RFX8: variants seen among roughly 807,000 people sequenced by gnomAD.
RFX8 encodes DNA-binding protein RFX8.
In RFX8, 46 loss-of-function variants were observed where a neutral mutation model predicts 54.6. That is an observed-to-expected ratio of 0.84 (90% CI 0.67 to 1.08). RFX8 has a LOEUF of 1.08. Among genes scored for constraint, RFX8 ranks in the 50% least tolerant of loss-of-function variants. The pLI is 0.00. For synonymous variants in RFX8, 192 were observed against 209.5 expected (o/e 0.92, Z 0.72); for missense variants, 536 against 562.3 (o/e 0.95, Z 0.47).
chr2:101,409,702 G>T lies in RFX8; in HGVS notation c.813+917C>A, dbSNP rs1011834590. On this transcript the variant is annotated intron_variant, in intron 9 of 11. Coordinates refer to ENST00000428343, the MANE Select transcript of RFX8 (RefSeq NM_001145664.2). The stretch of plus-strand genomic sequence containing the variant: ...TTTAGGAGAGACAGGGTTTCACTAT[G>T]TTGGACAGGCTGGTCTTGAACTCCT... Among the ~76,000 whole-genome samples the T allele has an allele frequency of 1.2e-4, 18 of 152,266 alleles. 1 individual carries two copies. Among genetic ancestry groups the T allele is most frequent in the African/African-American group, 4.3e-4 (18 of 41,540 alleles).
At chr2:101,466,968 A>C (rs559409820) in intron 1 of RFX8, 68 bp from the exon 2 acceptor site, 1 of 719,236 alleles carries the variant, frequency 1.4e-6, no homozygotes, top group East Asian at 2.7e-5. Context: ...ATTTTGACAA[A>C]ATCAATGGTC....
Position 101,418,913 on chromosome 2 carries a change from T to G in RFX8, c.289A>C (p.Met97Leu). 1 of 1,551,506 alleles carries G rather than the reference T, an allele frequency of 6.4e-7. No homozygotes were observed. Among genetic ancestry groups the G allele is most frequent in the Non-Finnish European group, 8.7e-7 (1 of 1,146,812 alleles). ...FWKSLQQDTV[M>L]LMSLPDVCQL... ...CACACGTCAGGCAATGACATCAGCA[T>G]GACTGTGTCTTGCTGCAGAGACTTC... The change falls in exon 5 of 12, where the codon ATG becomes CTG. Residue 97 changes from methionine (M) to leucine (L), a missense_variant. Physicochemically the swap from Met to Leu is conservative, Grantham distance 15 (BLOSUM62 2). Coordinates refer to ENST00000428343, the MANE Select transcript of RFX8 (RefSeq NM_001145664.2).
At chr2:101,409,210 G>A (rs958676900) in intron 9 of RFX8, among the ~76,000 whole-genome samples, 2 of 151,970 alleles carry the variant, frequency 1.3e-5, no homozygotes, top group African/African-American at 2.4e-5. Flanking sequence ...TTCCCTCTAG[G>A]TGTTTTTGTT....
intron 2 of RFX8, chr2:101,450,692 A>C: frequency 2.2e-6 from 3 of 1,383,616 alleles, no homozygotes; most frequent in Non-Finnish European, 3.0e-6. Context: ...TGGAAAAATA[A>C]AGGTTGTCTT....
At chr2:101,404,946 T>A (rs1247735886) in intron 10 of RFX8, among the ~76,000 whole-genome samples, 1 of 152,182 alleles carries the variant, frequency 6.6e-6, no homozygotes, top group Non-Finnish European at 1.5e-5. Context: ...TCCTTCTTGC[T>A]GTGAGAGTAT....
At chr2:101,412,188 T>C (rs780832518) in intron 8 of RFX8, among the ~76,000 whole-genome samples, 2 of 152,108 alleles carry the variant, frequency 1.3e-5, no homozygotes, top group African/African-American at 4.8e-5. Context: ...GTAGCCATCA[T>C]AGGAGGGCCT....
chr2:101,451,803 C>T (rs991909259), intron 2 of RFX8, among the ~76,000 whole-genome samples: 1 of 151,766 alleles, frequency 6.6e-6, no homozygotes, highest in Non-Finnish European at 1.5e-5. Flanking sequence ...GTAATTAAAA[C>T]AGCTCCAAGG....
At chr2:101,434,646 C>T (rs191512804) in intron 2 of RFX8, among the ~76,000 whole-genome samples, 166 of 152,316 alleles carry the variant, frequency 1.1e-3, no homozygotes, top group African/African-American at 3.9e-3. Flanking sequence ...TGAGCGGTAC[C>T]TCCTTTTAAA....
At chr2:101,454,808 G>T (rs1451349243) in intron 2 of RFX8, among the ~76,000 whole-genome samples, 2 of 152,160 alleles carry the variant, frequency 1.3e-5, no homozygotes, top group Admixed American at 6.5e-5. Context: ...CCCTTTGTCA[G>T]ATGGGTAGAT....
At chr2:101,448,504 G>A (rs1013919597) in intron 2 of RFX8, among the ~76,000 whole-genome samples, 3 of 152,156 alleles carry the variant, frequency 2.0e-5, no homozygotes, top group Non-Finnish European at 4.4e-5. Flanking sequence ...AAAGCCCAAC[G>A]CCCTTGTAGG....
At chr2:101,455,646 G>A (rs974854001) in intron 2 of RFX8, among the ~76,000 whole-genome samples, 6 of 152,190 alleles carry the variant, frequency 3.9e-5, no homozygotes, top group Non-Finnish European at 8.8e-5. Context: ...AAGTCAGGTA[G>A]TGTGATGCCT....
rs566788299 is a variant in RFX8, at chr2:101,445,485, C to T, written c.72+21292G>A. On this transcript the variant is annotated intron_variant, in intron 2 of 11. Transcript: ENST00000428343. Reference sequence around the variant, plus strand: ...ATAGCTCACTGCAGCCTTGACCTCCCGGGCTCAGGTTACTCTCCCACCTCA... The same window carrying T: ...ATAGCTCACTGCAGCCTTGACCTCCTGGGCTCAGGTTACTCTCCCACCTCA... Among the ~76,000 whole-genome samples the T allele has an allele frequency of 7.6e-4, 116 of 152,074 alleles. 1 individual carries two copies. Among genetic ancestry groups the T allele is most frequent in the East Asian group, 2.9e-3 (15 of 5,180 alleles).
At chr2:101,419,172 G>A (rs1211784877) in intron 4 of RFX8, among the ~76,000 whole-genome samples, 3 of 152,168 alleles carry the variant, frequency 2.0e-5, no homozygotes, top group African/African-American at 4.8e-5. Flanking sequence ...AGTTGGATGG[G>A]ATAATGTAGA....
chr2:101,398,978 A>T (rs1454113211), intron 11 of RFX8, among the ~76,000 whole-genome samples: 1 of 152,224 alleles, frequency 6.6e-6, no homozygotes, highest in Non-Finnish European at 1.5e-5. Context: ...AGAGACACTT[A>T]AAAAAATTTG....
rs934029588 is a variant in RFX8 at position 101,422,372 on chromosome 2, G to C, written c.173C>G (p.Ser58Cys). 6.7e-7 allele frequency: 1 copy of C among 1,499,106 alleles called. No individual in the cohort carries two copies. The highest frequency in any genetic ancestry group is 1.4e-5 in the African/African-American group (1 of 72,074). The allele number at this position is 1,499,106 out of a possible 1,614,324, so 92.9% of individuals were successfully genotyped here. ...FLEQEQAKKY[S>C]CNMMAFLADE... ...TGAGTGCAAACCTACCATATTACAG[G>C]AGTATTTCTTTGCCTGTTCTTGCTC... is the stretch of plus-strand genomic sequence containing the variant. Residue 58 changes from serine (S) to cysteine (C), a missense_variant, in exon 3 of 12, where the codon TCC becomes TGC. Physicochemically the swap from Ser to Cys is moderately radical, Grantham distance 112. Transcript: ENST00000428343.
intron 2 of RFX8, among the ~76,000 whole-genome samples, chr2:101,442,234 A>G (rs1688139215): frequency 1.3e-5 from 2 of 152,170 alleles, no homozygotes; most frequent in South Asian, 4.1e-4. Flanking sequence ...CAAGTACCAG[A>G]TGGAGGCCTG....
At chr2:101,470,709 CTTTTTTTT>C (rs537834632) in intron 1 of RFX8, among the ~76,000 whole-genome samples, 2,024 of 105,370 alleles carry the variant, frequency 0.019, 39 homozygotes, top group African/African-American at 0.071. Flanking sequence ...TCTGAGTACT[CTTTTTTTT>C]TTTTTTTTTT....
intron 2 of RFX8, among the ~76,000 whole-genome samples, chr2:101,446,604 A>G (rs553650462): frequency 1.7e-4 from 26 of 151,966 alleles, no homozygotes; most frequent in Admixed American, 1.5e-3. Context: ...CCTCTTCCTC[A>G]CCGATGATAA....
intron 2 of RFX8, among the ~76,000 whole-genome samples, chr2:101,436,543 G>A (rs1485535302): frequency 1.3e-5 from 2 of 152,122 alleles, no homozygotes; most frequent in East Asian, 3.9e-4. Context: ...TCCTCCCTTA[G>A]GCAAATACTA....
Sources: gnomAD v4.1 joint callset for allele counts (sites outside exome capture counted in the v4.1 genomes callset) on GRCh38, gnomAD v4.1.1 for gene constraint, MANE v1.5 for transcripts, NCBI Gene and HGNC (gene_info 2026-07-23, HGNC 2026-07-21) for gene names.